Variants in MIR2052HG observed in about 807,000 individuals in gnomAD.
The protein encoded by MIR2052HG is MIR2052 host gene.
intron 2 of MIR2052HG, among the ~76,000 whole-genome samples, chr8:74,648,793 C>T (rs567171830): frequency 1.3e-5 from 2 of 152,062 alleles, no homozygotes; most frequent in African/African-American, 4.8e-5. Context: ...GAAGACAATA[C>T]TTTTGAATCG....
At chr8:74,721,451 A>G (rs377399708) in intron 4 of MIR2052HG, among the ~76,000 whole-genome samples, 1 of 152,178 alleles carries the variant, frequency 6.6e-6, no homozygotes, top group Non-Finnish European at 1.5e-5. Flanking sequence ...GACTTGGTCA[A>G]TGGTGCAGCT....
chr8:74,701,474 T>C (rs562170175), intron 2 of MIR2052HG, among the ~76,000 whole-genome samples: 1 of 152,116 alleles, frequency 6.6e-6, no homozygotes, highest in South Asian at 2.1e-4. Context: ...GGCTTGGACA[T>C]ATGACCTATG....
At chr8:74,715,175 T>C (rs1809508333) in intron 4 of MIR2052HG, among the ~76,000 whole-genome samples, 1 of 152,122 alleles carries the variant, frequency 6.6e-6, no homozygotes, top group African/African-American at 2.4e-5. Context: ...GGATGAACTG[T>C]GTGTGTATGA....
intron 2 of MIR2052HG, among the ~76,000 whole-genome samples, chr8:74,668,506 A>G (rs773865829): frequency 6.6e-6 from 1 of 152,164 alleles, no homozygotes; most frequent in African/African-American, 2.4e-5. Context: ...TAGTTGTAAG[A>G]TATCATCTGT....
intron 2 of MIR2052HG, among the ~76,000 whole-genome samples, chr8:74,684,039 A>C (rs1327753217): frequency 6.6e-6 from 1 of 152,062 alleles, no homozygotes; most frequent in South Asian, 2.1e-4. Flanking sequence ...CAAATCCCTT[A>C]AAATTTTTAT....
intron 3 of MIR2052HG, among the ~76,000 whole-genome samples, chr8:74,703,100 C>T (rs1320199732): frequency 6.6e-6 from 1 of 151,896 alleles, no homozygotes; most frequent in Non-Finnish European, 1.5e-5. Context: ...GAATATTCAA[C>T]AATCAGAAAA....
intron 4 of MIR2052HG, among the ~76,000 whole-genome samples, chr8:74,748,908 T>C (rs1809914712): frequency 6.6e-6 from 1 of 152,150 alleles, no homozygotes; most frequent in African/African-American, 2.4e-5. Flanking sequence ...CATATTGACA[T>C]GGAGAGAGAG....
intron 4 of MIR2052HG, among the ~76,000 whole-genome samples, chr8:74,724,004 A>G (rs925100078): frequency 1.3e-5 from 2 of 152,220 alleles, no homozygotes; most frequent in Admixed American, 1.3e-4. Context: ...GGGATATTTT[A>G]TCATCCAGCA....
intron 4 of MIR2052HG, among the ~76,000 whole-genome samples, chr8:74,729,090 A>G (rs1166752104): frequency 1.3e-5 from 2 of 152,216 alleles, no homozygotes; most frequent in Non-Finnish European, 2.9e-5. Context: ...TTTTAATAAT[A>G]CTTTCCCAAG....
intron 2 of MIR2052HG, among the ~76,000 whole-genome samples, chr8:74,613,453 G>A (rs940467218): frequency 1.3e-5 from 2 of 152,202 alleles, no homozygotes; most frequent in Non-Finnish European, 2.9e-5. Context: ...ATGGGATGGA[G>A]ATAAATAGCC....
chr8:74,686,745 G>T (rs1809185908), intron 2 of MIR2052HG, among the ~76,000 whole-genome samples: 1 of 152,056 alleles, frequency 6.6e-6, no homozygotes, highest in African/African-American at 2.4e-5. Flanking sequence ...GGCAAGTCCT[G>T]TGGCCTCAGA....
chr8:74,615,247 G>C (rs1389775698), intron 2 of MIR2052HG: 1 of 152,144 alleles, frequency 6.6e-6, no homozygotes, highest in East Asian at 1.9e-4. Context: ...AATATTCTCT[G>C]AACTTCAGCT....
At chr8:74,745,164 G>C (rs920228274) in intron 4 of MIR2052HG, among the ~76,000 whole-genome samples, 6 of 152,130 alleles carry the variant, frequency 3.9e-5, no homozygotes, top group African/African-American at 1.2e-4. Context: ...GCTATAGGCT[G>C]AGGTGGGAGG....
At position 74,716,709 on chromosome 8, in the gene MIR2052HG, C is replaced by CA. The variant is rs200748422; in HGVS notation, n.371+13036dup. ...CAGGCAACAGAACAAGACTCTGTCT[C>CA]AAAAAAAAAGAGAATGAATCCATAT... is the stretch of plus-strand genomic sequence containing the variant. On this transcript the variant is annotated intron_variant and non_coding_transcript_variant, in intron 4 of 6. Transcript: ENST00000523442. Among the ~76,000 whole-genome samples, 104 of 149,760 alleles carry CA rather than the reference C, an allele frequency of 6.9e-4. 1 individual carries two copies. In the East Asian group the frequency reaches 0.013, roughly 19 times the overall value.
intron 2 of MIR2052HG, among the ~76,000 whole-genome samples, chr8:74,633,995 AATTAAT>A (rs1347035484): frequency 6.6e-6 from 1 of 152,206 alleles, no homozygotes; most frequent in Non-Finnish European, 1.5e-5. Context: ...ATGAAAGTTA[AATTAAT>A]AGTTTCTTTC....
Position 74,753,299 on chromosome 8 carries a change from C to T in MIR2052HG, n.464+766C>T, listed in dbSNP as rs986205402. On this transcript the variant is annotated intron_variant and non_coding_transcript_variant, in intron 5 of 6. Coordinates refer to ENST00000523442, the Ensembl canonical transcript of MIR2052HG. ...GGGCTGCCACACAGGCAAATGTATA[C>T]ATTATATAGTCTTTGTTGCTAATAT... Among the ~76,000 whole-genome samples the T allele has an allele frequency of 1.5e-3, 227 of 152,286 alleles. 1 individual carries two copies. The highest frequency in any genetic ancestry group is 5.3e-3 in the African/African-American group (222 of 41,560).
At chr8:74,693,475 C>T (rs898796997) in intron 2 of MIR2052HG, among the ~76,000 whole-genome samples, 3 of 151,950 alleles carry the variant, frequency 2.0e-5, no homozygotes, top group Admixed American at 6.6e-5. Context: ...ACAGAAGCCA[C>T]AGCAGGTGGT....
chr8:74,750,954 C>T (rs1318611849), intron 4 of MIR2052HG, among the ~76,000 whole-genome samples: 1 of 152,160 alleles, frequency 6.6e-6, no homozygotes, highest in African/African-American at 2.4e-5. Flanking sequence ...CCAAATTATA[C>T]ACTGTTCACA....
intron 4 of MIR2052HG, among the ~76,000 whole-genome samples, chr8:74,711,753 A>C (rs1809470303): frequency 6.6e-6 from 1 of 152,220 alleles, no homozygotes; most frequent in South Asian, 2.1e-4. Context: ...TGTTATATGA[A>C]ATTAAAAGGA....
Sources: allele counts gnomAD v4.1 joint callset (sites outside exome capture counted in the v4.1 genomes callset), GRCh38; gene constraint gnomAD v4.1.1; transcripts MANE v1.5; gene names NCBI Gene and HGNC (gene_info 2026-07-23, HGNC 2026-07-21).